KCNG4: variants seen among roughly 807,000 people sequenced by gnomAD.
KCNG4 encodes potassium voltage-gated channel modifier subfamily G member 4.
In KCNG4, 30 loss-of-function variants were observed where a neutral mutation model predicts 28.2. The observed-to-expected ratio is 1.06, with a 90% confidence interval of 0.80 to 1.44. KCNG4 has a LOEUF of 1.44. KCNG4 is among the 40% of genes most tolerant of loss of function. The probability of loss-of-function intolerance (pLI) is 0.00; values close to 1 mark genes in which losing one functional copy is unlikely to be tolerated. For synonymous variants in KCNG4, 375 were observed against 315.5 expected (o/e 1.19, Z -2.00); for missense variants, 879 against 712.3 (o/e 1.23, Z -2.66).
At chr16:84,229,771 G>A (rs1904782939) in intron 2 of KCNG4, among the ~76,000 whole-genome samples, 1 of 152,196 alleles carries the variant, frequency 6.6e-6, no homozygotes, top group South Asian at 2.1e-4. Flanking sequence ...GAGCATCAAG[G>A]AGGCCCCAGG....
intron 2 of KCNG4, among the ~76,000 whole-genome samples, chr16:84,228,578 C>T (rs1463178034): frequency 1.3e-5 from 2 of 152,256 alleles, no homozygotes; most frequent in South Asian, 2.1e-4. Context: ...CACCCCGAGC[C>T]GCAATCCCTC....
rs1346280587 is a variant in KCNG4, at chr16:84,219,322, C to T, written c.*2895G>A. On this transcript the variant is annotated 3_prime_UTR_variant, in exon 3 of 3. Coordinates refer to ENST00000308251, the MANE Select transcript of KCNG4 (RefSeq NM_172347.3). ...GGGGGAAGGGGCCTGCCCGAGGTCA[C>T]ACAGGGAGTGAAGACACTGGGTTTC... 1.3e-5 allele frequency: 2 copies of T among 152,458 alleles called. No individual in the cohort carries two copies. The highest frequency in any genetic ancestry group is 2.9e-5 in the Non-Finnish European group (2 of 68,162). 9.4% of individuals were successfully genotyped at this position (152,458 alleles called of 1,614,324 possible).
At chr16:84,229,777 C>T (rs1218709341) in intron 2 of KCNG4, among the ~76,000 whole-genome samples, 1 of 152,130 alleles carries the variant, frequency 6.6e-6, no homozygotes, top group Non-Finnish European at 1.5e-5. Flanking sequence ...CAAGGAGGCC[C>T]CAGGCCAGGA....
intron 2 of KCNG4, among the ~76,000 whole-genome samples, chr16:84,233,002 G>A (rs1904862685): frequency 2.0e-5 from 3 of 152,050 alleles, no homozygotes; most frequent in African/African-American, 7.2e-5. Context: ...ACTTTAGTAG[G>A]CAGTCAATGA....
At chr16:84,224,039 A>C (rs1348997476) in intron 2 of KCNG4, among the ~76,000 whole-genome samples, 1 of 152,168 alleles carries the variant, frequency 6.6e-6, no homozygotes, top group Admixed American at 6.5e-5. Context: ...TAGTTCCACC[A>C]GTCCTTCTGC....
Position 84,236,844 on chromosome 16 carries a change from C to A in KCNG4, c.642G>T (p.Pro214=). 1 of 1,613,574 alleles carries A rather than the reference C, an allele frequency of 6.2e-7. No homozygotes were observed. Among genetic ancestry groups the A allele is most frequent in the East Asian group, 2.2e-5 (1 of 44,864 alleles). ...AGACCTTCCCGGGCAGCCCGGACTG[C>A]GGGTTTTCCACCATCTCGCGCAGCC... ...MNRLREMVEN[P]QSGLPGKVFA... is the part of the protein sequence containing the mutation. The change falls in exon 2 of 3, where the codon CCG becomes CCT. Residue 214 remains proline, a synonymous_variant. Coordinates refer to ENST00000308251, the MANE Select transcript of KCNG4 (RefSeq NM_172347.3).
Position 84,222,140 on chromosome 16 carries a change from C to A in KCNG4, c.*77G>T. On this transcript the variant is annotated 3_prime_UTR_variant, in exon 3 of 3. Coordinates refer to ENST00000308251, the MANE Select transcript of KCNG4 (RefSeq NM_172347.3). ...GGCTCTAGAAACACCACCAGGTGGT[C>A]TATGCGGGGTACCCTTGAGTGTGTT... 6.9e-7 allele frequency: 1 copy of A among 1,444,256 alleles called. No individual in the cohort carries two copies. The highest frequency in any genetic ancestry group is 9.6e-7 in the Non-Finnish European group (1 of 1,041,900). 89.5% of individuals were successfully genotyped at this position (1,444,256 alleles called of 1,614,324 possible).
At chr16:84,237,906 A>C (rs1905014411) in intron 1 of KCNG4, among the ~76,000 whole-genome samples, 1 of 152,168 alleles carries the variant, frequency 6.6e-6, no homozygotes, top group Admixed American at 6.5e-5. Context: ...CATTCAAATG[A>C]CAAGACTCAT....
rs559068286 is a variant in KCNG4, at chr16:84,222,006, A to T, written c.*211T>A. The T allele has an allele frequency of 1.7e-6, 1 of 588,684 alleles. No individual in the cohort carries two copies. The highest frequency in any genetic ancestry group is 2.9e-5 in the East Asian group (1 of 34,704). 36.5% of individuals were successfully genotyped at this position (588,684 alleles called of 1,614,324 possible). A position where few individuals can be genotyped will look rare whatever the true frequency, so the allele number is the denominator to read the frequency against. On this transcript the variant is annotated 3_prime_UTR_variant, in exon 3 of 3. Coordinates refer to ENST00000308251, the MANE Select transcript of KCNG4 (RefSeq NM_172347.3). ...TAGATGGGCAGAGAGAGGAAAAGGC[A>T]AGCAGGCTGGACACAGTCAGCCTGG...
At chr16:84,232,137 C>G (rs1008076230) in intron 2 of KCNG4, among the ~76,000 whole-genome samples, 4 of 152,016 alleles carry the variant, frequency 2.6e-5, no homozygotes, top group Admixed American at 2.6e-4. Context: ...AGGTGGGGGT[C>G]GGTCTTTGGA....
chr16:84,232,483 A>G (rs1009942091), intron 2 of KCNG4, among the ~76,000 whole-genome samples: 5 of 152,208 alleles, frequency 3.3e-5, no homozygotes, highest in African/African-American at 1.2e-4. Flanking sequence ...GAATGCTGAG[A>G]AAAAGCTTTG....
At chr16:84,232,358 A>G (rs1904846730) in intron 2 of KCNG4, among the ~76,000 whole-genome samples, 1 of 152,208 alleles carries the variant, frequency 6.6e-6, no homozygotes, top group African/African-American at 2.4e-5. Context: ...TTCTGTTTCT[A>G]TGAAATGTCC....
chr16:84,224,254 G>A (rs752237527), intron 2 of KCNG4, among the ~76,000 whole-genome samples: 1 of 152,078 alleles, frequency 6.6e-6, no homozygotes, highest in East Asian at 1.9e-4. Context: ...ATCACCTGGG[G>A]GTTCCTTGAA....
chr16:84,226,166 T>C lies in KCNG4; in HGVS notation c.757-3146A>G, dbSNP rs182305995. ...GGTGTGTTCTGGCTCCTTCCTGCAATGAAGAAGAGCAAGCGTCAGCCTGGA... is the reference window on the plus strand; with the variant it reads ...GGTGTGTTCTGGCTCCTTCCTGCAACGAAGAAGAGCAAGCGTCAGCCTGGA... On this transcript the variant is annotated intron_variant, in intron 2 of 2. Coordinates refer to ENST00000308251, the MANE Select transcript of KCNG4 (RefSeq NM_172347.3). This position sits in a 1 kb window ranked among gnomAD's most constrained non-coding sequence, Gnocchi z 4.1. Among the ~76,000 whole-genome samples the C allele has an allele frequency of 2.6e-5, 4 of 152,190 alleles. No homozygotes were observed. The highest frequency in any genetic ancestry group is 5.9e-5 in the Non-Finnish European group (4 of 67,994).
chr16:84,222,771 G>C lies in KCNG4; in HGVS notation c.1006C>G (p.Leu336Val), dbSNP rs1241849535. The change falls in exon 3 of 3, where the codon CTG becomes GTG. Residue 336 changes from leucine to valine, a missense_variant. By Grantham distance (32) the Leu-to-Val change is conservative. Coordinates refer to ENST00000308251, the MANE Select transcript of KCNG4 (RefSeq NM_172347.3). ...ATGCGCAGCGCTCGCAGCACACGCAGGACCAGCCCCACCTTCTCCAGGTAG... is the reference window on the plus strand; with the variant it reads ...ATGCGCAGCGCTCGCAGCACACGCACGACCAGCCCCACCTTCTCCAGGTAG... The part of the protein sequence containing the change: ...SSYLEKVGLV[L>V]RVLRALRILY... The C allele has an allele frequency of 1.9e-6, 3 of 1,611,282 alleles. No individual in the cohort carries two copies. The highest frequency in any genetic ancestry group is 2.5e-6 in the Non-Finnish European group (3 of 1,178,510).
rs368971173 is a variant in KCNG4, at chr16:84,232,244, G to A, written c.756+4486C>T. ...ATATACATACAGTGGAATAGTATTC[G>A]GCCATGAAGAGGAATGAAGGTCTGA... On this transcript the variant is annotated intron_variant, in intron 2 of 2. Coordinates refer to ENST00000308251, the MANE Select transcript of KCNG4 (RefSeq NM_172347.3). Among the ~76,000 whole-genome samples, 59 of 152,214 alleles carry A rather than the reference G, an allele frequency of 3.9e-4. 2 individuals carry two copies. In the South Asian group the frequency reaches 0.012, roughly 31 times the overall value.
chr16:84,224,086 C>G (rs188374594), intron 2 of KCNG4, among the ~76,000 whole-genome samples: 1 of 152,270 alleles, frequency 6.6e-6, no homozygotes, highest in Admixed American at 6.5e-5. Context: ...AAGCATCAGC[C>G]TCCCCGAGGA....
chr16:84,233,719 GAA>G, intron 2 of KCNG4, among the ~76,000 whole-genome samples: 1 of 151,344 alleles, frequency 6.6e-6, no homozygotes, highest in South Asian at 2.1e-4. Context: ...TTTAAAAAAA[GAA>G]AGAGAGAGAG....
rs78384040 is a variant in KCNG4, at chr16:84,236,713, C to T, written c.756+17G>A. On this transcript the variant is annotated intron_variant, in intron 2 of 2. Transcript: ENST00000308251. ...CCCTGCGGGATGGAGCCGTGAATGC[C>T]ATCAGAGGCCGCTCACCTGGTCCTC... The T allele has an allele frequency of 2.1e-3, 3,413 of 1,594,334 alleles. 59 individuals carry two copies. The African/African-American group carries it at 0.04, about 18-fold the overall frequency.
Sources: gnomAD v4.1 joint callset for allele counts (sites outside exome capture counted in the v4.1 genomes callset) on GRCh38, gnomAD v4.1.1 for gene constraint, Gnocchi (gnomAD v3.1) non-coding constraint, MANE v1.5 for transcripts, NCBI Gene and HGNC (gene_info 2026-07-23, HGNC 2026-07-21) for gene names.